Variants in JMJD1C observed in about 807,000 individuals in gnomAD.
JMJD1C encodes the protein jumonji domain containing 1C, also known as jumonji domain-containing protein 1C.
Under a neutral mutation model 245.3 loss-of-function variants are expected in JMJD1C, and 31 were observed. The observed-to-expected ratio is 0.13, with a 90% CI of 0.09 to 0.17. The LOEUF (loss-of-function observed/expected upper bound fraction) is 0.17. Ranked by LOEUF, JMJD1C falls within the 10% of genes least tolerant of loss-of-function variation. The probability of loss-of-function intolerance (pLI) is 1.00; values close to 1 mark genes in which losing one functional copy is unlikely to be tolerated. For missense variants in JMJD1C, 2,691 were observed against 3,000.2 expected (o/e 0.90, Z 2.41); for synonymous variants, 1,057 against 1,017.4 (o/e 1.04, Z -0.74).
intron 3 of JMJD1C, among the ~76,000 whole-genome samples, chr10:63,242,684 C>G (rs1232885391): frequency 6.6e-6 from 1 of 152,138 alleles, no homozygotes; most frequent in Admixed American, 6.5e-5. Context: ...CGAGACCACG[C>G]CACTGCACTC....
In JMJD1C at chr10:63,208,493, G is replaced by A. The variant is rs372621438; in HGVS notation, c.3176C>T (p.Pro1059Leu). ...ATCTTGTTTGATGATATGGCTTTTA[G>A]GACTGGAAGATGATGATGCCACTCT... ...YSRVASSSSS[P>L]KSHIIKQDMD... Residue 1059 changes from proline (P) to leucine (L), a missense_variant, in exon 10 of 26, where the codon CCT becomes CTT. Physicochemically the swap from Pro to Leu is moderately conservative, Grantham distance 98 (BLOSUM62 -3). Transcript: ENST00000399262. 6 of 1,613,934 alleles carry A rather than the reference G, an allele frequency of 3.7e-6. No individual in the cohort carries two copies. Among genetic ancestry groups the A allele is most frequent in the Non-Finnish European group, 5.1e-6 (6 of 1,179,936 alleles).
chr10:63,240,776 TAGAATACAAA>T (rs1386712534), intron 3 of JMJD1C, among the ~76,000 whole-genome samples: 1 of 152,170 alleles, frequency 6.6e-6, no homozygotes. Context: ...AGACAGGTTC[TAGAATACAAA>T]AGATATTAGC....
At chr10:63,197,097 C>T (rs1845545868) in intron 13 of JMJD1C, among the ~76,000 whole-genome samples, 1 of 152,038 alleles carries the variant, frequency 6.6e-6, no homozygotes, top group African/African-American at 2.4e-5. Context: ...GCATGAGCCA[C>T]AGTGCCCGGC....
intron 1 of JMJD1C, among the ~76,000 whole-genome samples, chr10:63,401,935 G>A (rs924163894): frequency 2.0e-4 from 31 of 152,192 alleles, no homozygotes; most frequent in African/African-American, 7.2e-4. Context: ...GGGAGTTCGA[G>A]ATCAGCCTGA....
chr10:63,227,367 G>C (rs1268836169), intron 3 of JMJD1C, among the ~76,000 whole-genome samples: 1 of 152,104 alleles, frequency 6.6e-6, no homozygotes, highest in Non-Finnish European at 1.5e-5. Flanking sequence ...TTTGACTGCT[G>C]ACAAAAAACC....
chr10:63,496,239 G>A (rs921213691), intron 1 of JMJD1C, among the ~76,000 whole-genome samples: 46 of 151,702 alleles, frequency 3.0e-4, no homozygotes, highest in African/African-American at 1.1e-3. Flanking sequence ...AAGAAAATAA[G>A]AGAAAGAGAA....
At chr10:63,402,391 G>C (rs148534258) in intron 1 of JMJD1C, among the ~76,000 whole-genome samples, 43 of 152,210 alleles carry the variant, frequency 2.8e-4, no homozygotes, top group African/African-American at 9.4e-4. Flanking sequence ...CCTTTGTGTT[G>C]AGTGAATAAA....
intron 2 of JMJD1C, among the ~76,000 whole-genome samples, chr10:63,288,920 A>AATG (rs773722546): frequency 8.0e-6 from 1 of 125,678 alleles, no homozygotes; most frequent in Non-Finnish European, 1.8e-5. Flanking sequence ...TAATAATAAT[A>AATG]ATAATAATGA....
chr10:63,316,090 T>C (rs765519277), intron 2 of JMJD1C, among the ~76,000 whole-genome samples: 1 of 152,072 alleles, frequency 6.6e-6, no homozygotes, highest in Non-Finnish European at 1.5e-5. Context: ...GAGGATCACT[T>C]GAGGCTGAGA....
intron 1 of JMJD1C, among the ~76,000 whole-genome samples, chr10:63,398,529 T>C (rs1404243626): frequency 6.6e-6 from 1 of 152,198 alleles, no homozygotes; most frequent in African/African-American, 2.4e-5. Flanking sequence ...TGTTGTCTGA[T>C]TATATTTTTA....
At chr10:63,461,471 A>C (rs938091040) in intron 1 of JMJD1C, among the ~76,000 whole-genome samples, 1 of 152,192 alleles carries the variant, frequency 6.6e-6, no homozygotes, top group Non-Finnish European at 1.5e-5. Flanking sequence ...CTAAGCAGAA[A>C]TGTGTAGACC....
chr10:63,409,050 T>G (rs1181516672), intron 1 of JMJD1C, among the ~76,000 whole-genome samples: 1 of 152,204 alleles, frequency 6.6e-6, no homozygotes, highest in African/African-American at 2.4e-5. Flanking sequence ...CAACATATAC[T>G]AAGTAGCTAA....
At chr10:63,243,255 G>T (rs1397684662) in intron 3 of JMJD1C, among the ~76,000 whole-genome samples, 3 of 151,724 alleles carry the variant, frequency 2.0e-5, no homozygotes, top group Non-Finnish European at 4.4e-5. Context: ...GGCCAGGCGT[G>T]GTGGCTCACG....
chr10:63,281,472 T>C (rs1857387385), intron 2 of JMJD1C, among the ~76,000 whole-genome samples: 1 of 119,740 alleles, frequency 8.4e-6, no homozygotes, highest in Non-Finnish European at 1.8e-5. Flanking sequence ...TTTTTTTTTT[T>C]TTTTTTTTTT....
At chr10:63,388,111 A>T (rs1321823212) in intron 1 of JMJD1C, among the ~76,000 whole-genome samples, 1 of 152,162 alleles carries the variant, frequency 6.6e-6, no homozygotes, top group African/African-American at 2.4e-5. Flanking sequence ...GCTGGCAAAA[A>T]GTTTAGATAC....
chr10:63,382,835 T>C (rs1025606823), intron 1 of JMJD1C: 14 of 455,968 alleles, frequency 3.1e-5, no homozygotes, highest in Middle Eastern at 3.2e-4. Context: ...ATTTGAATCA[T>C]GGTTGCTCTT....
intron 1 of JMJD1C, among the ~76,000 whole-genome samples, chr10:63,506,870 T>C (rs1461718824): frequency 1.3e-5 from 2 of 152,222 alleles, no homozygotes; most frequent in East Asian, 1.9e-4. Flanking sequence ...TGCACTATTA[T>C]AGTACTGTAC....
chr10:63,284,158 A>G (rs10761735), intron 2 of JMJD1C, among the ~76,000 whole-genome samples: 130,625 of 151,934 alleles, frequency 0.86, 56,850 homozygotes, highest in African/African-American at 0.96. Context: ...CCTGAGTAAC[A>G]GGGATACAGG....
intron 2 of JMJD1C, among the ~76,000 whole-genome samples, chr10:63,315,040 G>C (rs577744649): frequency 7.0e-6 from 1 of 143,814 alleles, no homozygotes; most frequent in Non-Finnish European, 1.5e-5. Flanking sequence ...TGCAACCTCC[G>C]CCTCCTGGAT....
Sources: gnomAD v4.1 joint callset for allele counts (sites outside exome capture counted in the v4.1 genomes callset) on GRCh38, gnomAD v4.1.1 for gene constraint, MANE v1.5 for transcripts, NCBI Gene and HGNC (gene_info 2026-07-23, HGNC 2026-07-21) for gene names.